ITGA11: variants seen among roughly 807,000 people sequenced by gnomAD.
ITGA11 encodes integrin alpha-11.
Under a neutral mutation model 141.9 loss-of-function variants are expected in ITGA11, and 97 were observed. That is an observed-to-expected ratio of 0.68 (90% CI 0.58 to 0.81). The LOEUF (loss-of-function observed/expected upper bound fraction) is 0.81, where lower values mean the gene tolerates loss of function less well. Ranked by LOEUF, ITGA11 falls within the 30% of genes least tolerant of loss-of-function variation. The probability of loss-of-function intolerance (pLI) is 0.00; values close to 1 mark genes in which losing one functional copy is unlikely to be tolerated. For missense variants in ITGA11, 1,387 were observed against 1,559.2 expected (o/e 0.89, Z 1.86); for synonymous variants, 658 against 624.6 (o/e 1.05, Z -0.80).
At chr15:68,340,128 C>G (rs928699265) in intron 10 of ITGA11, among the ~76,000 whole-genome samples, 12 of 152,014 alleles carry the variant, frequency 7.9e-5, no homozygotes, top group African/African-American at 2.9e-4. Context: ...ACTGAGGTCT[C>G]CTTTGTGCCA....
intron 2 of ITGA11, among the ~76,000 whole-genome samples, chr15:68,386,331 G>A (rs1364744022): frequency 1.3e-5 from 2 of 152,182 alleles, no homozygotes; most frequent in African/African-American, 4.8e-5. Flanking sequence ...AGCCAGGCAA[G>A]CTGCTGGGTC....
In ITGA11 at chr15:68,356,831, A is replaced by G. The variant is rs569628293; in HGVS notation, c.749+320T>C. 2.6e-5 allele frequency among the ~76,000 whole-genome samples: 4 copies of G among 152,288 alleles called. No homozygotes were observed. In the East Asian group the frequency reaches 7.7e-4, roughly 29 times the overall value. On this transcript the variant is annotated intron_variant, in intron 7 of 29. Transcript: ENST00000315757. ...CTAAAACTCCTGTTGCCATGCCACA[A>G]GGAAATCAAGCCACATGGCTACGTG... is the stretch of plus-strand genomic sequence containing the variant.
chr15:68,359,377 G>GGTGGTACAT (rs1895171912), intron 5 of ITGA11, among the ~76,000 whole-genome samples: 1 of 152,178 alleles, frequency 6.6e-6, no homozygotes, highest in Non-Finnish European at 1.5e-5. Context: ...TGGGAGTCAT[G>GGTGGTACAT]GCTCACACCC....
chr15:68,397,950 T>C (rs201561282), intron 2 of ITGA11, among the ~76,000 whole-genome samples: 1 of 149,162 alleles, frequency 6.7e-6, no homozygotes, highest in Non-Finnish European at 1.5e-5. Context: ...GACAAGCAAA[T>C]GCTGAGAGAT....
rs1319916364 is a variant in ITGA11, at chr15:68,308,377, G to A, written c.3175-681C>T. 2.0e-5 allele frequency among the ~76,000 whole-genome samples: 3 copies of A among 152,166 alleles called. No individual in the cohort carries two copies. Among genetic ancestry groups the A allele is most frequent in the Non-Finnish European group, 4.4e-5 (3 of 68,024 alleles). On this transcript the variant is annotated intron_variant, in intron 26 of 29. Coordinates refer to ENST00000315757, the MANE Select transcript of ITGA11 (RefSeq NM_001004439.2). This position sits in a 1 kb window ranked among gnomAD's most constrained non-coding sequence, Gnocchi z 5.2. ...GTGAAAGAACAGTGAAATCACTGAT[G>A]CTTTATAAAAAGTTGATGGGGATGA...
chr15:68,376,061 G>A (rs1402521691), intron 2 of ITGA11, among the ~76,000 whole-genome samples: 1 of 152,130 alleles, frequency 6.6e-6, no homozygotes, highest in Non-Finnish European at 1.5e-5. Context: ...AAGCCCTCTA[G>A]GAGACACTGA....
At chr15:68,424,520 G>A (rs1182442922) in intron 1 of ITGA11, among the ~76,000 whole-genome samples, 3 of 152,080 alleles carry the variant, frequency 2.0e-5, no homozygotes, top group African/African-American at 7.2e-5. Context: ...TGTGTTCTGG[G>A]GTGGGGTCTG....
At chr15:68,344,261 G>T (rs951768321) in intron 10 of ITGA11, among the ~76,000 whole-genome samples, 3 of 152,138 alleles carry the variant, frequency 2.0e-5, no homozygotes, top group African/African-American at 7.2e-5. Flanking sequence ...AGCCTGGCAG[G>T]TGAAGGAGTC....
At chr15:68,369,389 TGGG>T in intron 2 of ITGA11, 105 bp from the exon 3 acceptor site, 1 of 38,336 alleles carries the variant, frequency 2.6e-5, no homozygotes, top group South Asian at 3.5e-4. Flanking sequence ...GTGGGGAGGG[TGGG>T]AGGGAACCCT....
intron 1 of ITGA11, among the ~76,000 whole-genome samples, chr15:68,408,020 T>C (rs1425176944): frequency 1.3e-5 from 2 of 152,214 alleles, no homozygotes; most frequent in African/African-American, 4.8e-5. Flanking sequence ...TTCCCAGGGA[T>C]CTTGGGAGAA....
intron 3 of ITGA11, among the ~76,000 whole-genome samples, chr15:68,368,896 T>G (rs1165020200): frequency 6.7e-6 from 1 of 149,212 alleles, no homozygotes; most frequent in Non-Finnish European, 1.5e-5. Flanking sequence ...GAGAAAACTT[T>G]GAGTTGAAGG....
Position 68,333,302 on chromosome 15 carries a change from T to C in ITGA11, c.1426-824A>G, listed in dbSNP as rs1156385569. ...TATTTGTAGAGATGGGGTCTCACTA[T>C]GTTGCCCAGGCTGGTCTGGAACTCC... On this transcript the variant is annotated intron_variant, in intron 12 of 29. Coordinates refer to ENST00000315757, the MANE Select transcript of ITGA11 (RefSeq NM_001004439.2). The surrounding 1 kb of genome is among the most constrained non-coding windows in gnomAD (Gnocchi z 4.2). Among the ~76,000 whole-genome samples the C allele has an allele frequency of 6.6e-6, 1 of 152,194 alleles. No individual in the cohort carries two copies. Among genetic ancestry groups the C allele is most frequent in the East Asian group, 1.9e-4 (1 of 5,200 alleles).
In ITGA11 at chr15:68,326,194, C is replaced by A. The variant is rs938838994; in HGVS notation, c.2211+460G>T. On this transcript the variant is annotated intron_variant, in intron 17 of 29. Transcript: ENST00000315757. The surrounding 1 kb of genome is among the most constrained non-coding windows in gnomAD (Gnocchi z 6.8). ...TGGATGGAAGTAAACCTCTCATTCTCTTCCTTAGCTATAAAATGGGGCACC... is the reference window on the plus strand; with the variant it reads ...TGGATGGAAGTAAACCTCTCATTCTATTCCTTAGCTATAAAATGGGGCACC... Among the ~76,000 whole-genome samples the A allele has an allele frequency of 4.6e-5, 7 of 152,214 alleles. No individual in the cohort carries two copies. The highest frequency in any genetic ancestry group is 1.7e-4 in the African/African-American group (7 of 41,446).
Position 68,364,772 on chromosome 15 carries a change from C to G in ITGA11, c.292G>C (p.Glu98Gln). The G allele has an allele frequency of 6.2e-7, 1 of 1,613,768 alleles. No individual in the cohort carries two copies. Among genetic ancestry groups the G allele is most frequent in the Non-Finnish European group, 8.5e-7 (1 of 1,179,788 alleles). The change falls in exon 4 of 30, where the codon GAG (glutamate) becomes CAG (glutamine). Residue 98 changes from glutamate to glutamine, a missense_variant. Transcript: ENST00000315757. ...LGRVTLSNVS[E>Q]RKDNMRLGLS... is the part of the protein sequence containing the mutation. ...CCGAGGCGCATGTTGTCTTTCCGCT[C>G]GGACACGTTGGACAGGGTGACCCTT...
intron 11 of ITGA11, 69 bp downstream of exon 11, chr15:68,339,431 G>C: frequency 6.6e-7 from 1 of 1,521,450 alleles, no homozygotes. Context: ...TGTGGGCTGG[G>C]GGTTGTGCAG....
intron 2 of ITGA11, among the ~76,000 whole-genome samples, chr15:68,390,493 G>A (rs906006355): frequency 1.3e-5 from 2 of 152,052 alleles, no homozygotes; most frequent in African/African-American, 2.4e-5. Flanking sequence ...ATCCTTGGGG[G>A]GTTACAGTCT....
chr15:68,390,245 A>G (rs1896084302), intron 2 of ITGA11, among the ~76,000 whole-genome samples: 1 of 152,164 alleles, frequency 6.6e-6, no homozygotes, highest in Admixed American at 6.5e-5. Flanking sequence ...TGTTAAGAAA[A>G]TAAAGTGACT....
intron 10 of ITGA11, among the ~76,000 whole-genome samples, chr15:68,342,918 G>C (rs1894616259): frequency 6.6e-6 from 1 of 152,076 alleles, no homozygotes; most frequent in Admixed American, 6.6e-5. Context: ...GGTGAGAGCA[G>C]GAAGGAGTTC....
chr15:68,321,297 T>C lies in ITGA11; in HGVS notation c.2408+121A>G, dbSNP rs1431160910. ...GCTAGAACGCAGGCTCCAAGTGCAA[T>C]GTTTGATCCATGCTGCCTGTGAGGA... On this transcript the variant is annotated intron_variant, in intron 19 of 29. Coordinates refer to ENST00000315757, the MANE Select transcript of ITGA11 (RefSeq NM_001004439.2). The surrounding 1 kb of genome is among the most constrained non-coding windows in gnomAD (Gnocchi z 4.9). The C allele has an allele frequency of 3.7e-6, 2 of 536,746 alleles. No individual in the cohort carries two copies. The highest frequency in any genetic ancestry group is 8.1e-5 in the Admixed American group (2 of 24,618). 33.2% of individuals were successfully genotyped at this position (536,746 alleles called of 1,614,324 possible). A position where few individuals can be genotyped will look rare whatever the true frequency, so the allele number is the denominator to read the frequency against.
Sources: allele counts gnomAD v4.1 joint callset (sites outside exome capture counted in the v4.1 genomes callset), GRCh38; gene constraint gnomAD v4.1.1; non-coding constraint Gnocchi (gnomAD v3.1); transcripts MANE v1.5; gene names NCBI Gene and HGNC (gene_info 2026-07-23, HGNC 2026-07-21).